The following PPM1H variants were observed in gnomAD, a reference collection of about 807,000 sequenced individuals.
PPM1H encodes the protein protein phosphatase, Mg2+/Mn2+ dependent 1H.
A neutral mutation model predicts 54.9 loss-of-function variants in PPM1H; 27 were observed. That is an observed-to-expected ratio of 0.49 (90% CI 0.36 to 0.68). The LOEUF (loss-of-function observed/expected upper bound fraction) is 0.68, where lower values mean the gene tolerates loss of function less well. Ranked by LOEUF, PPM1H falls within the 30% of genes least tolerant of loss-of-function variation. The pLI, the probability that PPM1H is intolerant of heterozygous loss-of-function variation, is 0.00. For synonymous variants in PPM1H, 305 were observed against 270.8 expected (o/e 1.13, Z -1.24); for missense variants, 596 against 667.8 (o/e 0.89, Z 1.19).
At chr12:62,854,014 CT>C (rs1869289835) in intron 1 of PPM1H, among the ~76,000 whole-genome samples, 1 of 152,064 alleles carries the variant, frequency 6.6e-6, no homozygotes, top group African/African-American at 2.4e-5. Context: ...AAAAAGTCTT[CT>C]GATAAAAAGC....
intron 1 of PPM1H, among the ~76,000 whole-genome samples, chr12:62,910,285 C>T (rs1281820661): frequency 6.6e-6 from 1 of 152,174 alleles, no homozygotes; most frequent in African/African-American, 2.4e-5. Flanking sequence ...TAAGTGAATA[C>T]ATTGGGATGC....
intron 6 of PPM1H, among the ~76,000 whole-genome samples, chr12:62,716,846 T>TA (rs541147778): frequency 2.6e-5 from 4 of 152,170 alleles, no homozygotes; most frequent in African/African-American, 4.8e-5. Context: ...CTTTAAGTCC[T>TA]AAAAAATAAC....
In PPM1H at chr12:62,796,682, G is replaced by C. The variant is rs2076736197; in HGVS notation, c.756+5134C>G. On this transcript the variant is annotated intron_variant, in intron 3 of 9. Coordinates refer to ENST00000228705, the MANE Select transcript of PPM1H (RefSeq NM_020700.2). Reference sequence around the variant, plus strand: ...TGGAGACCTCATTACATAGGCACGAGTGTTTAAATCATCAGCTGTTGGTGA... The same window carrying C: ...TGGAGACCTCATTACATAGGCACGACTGTTTAAATCATCAGCTGTTGGTGA... Among the ~76,000 whole-genome samples the C allele has an allele frequency of 2.0e-5, 3 of 152,148 alleles. No homozygotes were observed. The South Asian group carries it at 6.2e-4, about 31-fold the overall frequency.
intron 5 of PPM1H, among the ~76,000 whole-genome samples, chr12:62,725,224 C>T (rs1038761884): frequency 1.3e-5 from 2 of 152,202 alleles, no homozygotes; most frequent in Admixed American, 6.5e-5. Context: ...GGATGTTCTT[C>T]CAAGCTGCTG....
At chr12:62,810,651 TG>T (rs2076829826) in intron 2 of PPM1H, among the ~76,000 whole-genome samples, 3 of 152,248 alleles carry the variant, frequency 2.0e-5, no homozygotes, top group Admixed American at 2.0e-4. Flanking sequence ...TTTTAAATGC[TG>T]GATATTTACT....
In PPM1H at chr12:62,934,817, G is replaced by C; in HGVS notation, c.-81C>G. 1.6e-6 allele frequency: 2 copies of C among 1,251,832 alleles called. No homozygotes were observed. Among genetic ancestry groups the C allele is most frequent in the Non-Finnish European group, 2.0e-6 (2 of 991,158 alleles). 77.5% of individuals were successfully genotyped at this position (1,251,832 alleles called of 1,614,324 possible). A position where few individuals can be genotyped will look rare whatever the true frequency, so the allele number is the denominator to read the frequency against. ...AGGCGCAGCGCGGGGCATGCAGGCT[G>C]CGGTGGGCGCCGGGCGCACGGCGAG... is the stretch of plus-strand genomic sequence containing the variant. On this transcript the variant is annotated 5_prime_UTR_variant, in exon 1 of 10. Coordinates refer to ENST00000228705, the MANE Select transcript of PPM1H (RefSeq NM_020700.2). This position sits in a 1 kb window ranked among gnomAD's most constrained non-coding sequence, Gnocchi z 4.2.
intron 6 of PPM1H, among the ~76,000 whole-genome samples, chr12:62,711,365 G>T (rs1189298377): frequency 6.6e-6 from 1 of 152,170 alleles, no homozygotes; most frequent in Non-Finnish European, 1.5e-5. Context: ...TCTGTGGTGG[G>T]GATTGGCCCA....
intron 1 of PPM1H, among the ~76,000 whole-genome samples, chr12:62,903,835 G>C (rs1002554966): frequency 3.9e-5 from 6 of 152,226 alleles, no homozygotes; most frequent in Middle Eastern, 6.8e-3. Context: ...TGTAAGGGAG[G>C]CTTCAGTTTC....
chr12:62,737,734 T>C, intron 4 of PPM1H, 148 bp from the exon 5 acceptor site: 1 of 545,546 alleles, frequency 1.8e-6, no homozygotes, highest in Non-Finnish European at 3.2e-6. Flanking sequence ...TTCCCAGCTC[T>C]GAATCCCTCA....
intron 1 of PPM1H, among the ~76,000 whole-genome samples, chr12:62,896,903 T>C (rs1355070036): frequency 1.3e-5 from 2 of 152,078 alleles, no homozygotes; most frequent in African/African-American, 2.4e-5. Context: ...ACATACACTA[T>C]GGAATACTAT....
rs143364615 is a variant in PPM1H, at chr12:62,737,260, T to C, written c.954+242A>G. ...AAAAAAACAAAACCAGAGCACACCATGTCTTCAATTGGTCACAGATGGGAG... is the reference window on the plus strand; with the variant it reads ...AAAAAAACAAAACCAGAGCACACCACGTCTTCAATTGGTCACAGATGGGAG... On this transcript the variant is annotated intron_variant, in intron 5 of 9. Transcript: ENST00000228705. Among the ~76,000 whole-genome samples the C allele has an allele frequency of 6.7e-5, 10 of 148,478 alleles. No individual in the cohort carries two copies. In the East Asian group the frequency reaches 1.8e-3, roughly 26 times the overall value.
chr12:62,855,586 G>T (rs1212441875), intron 1 of PPM1H, among the ~76,000 whole-genome samples: 1 of 152,090 alleles, frequency 6.6e-6, no homozygotes. Context: ...TTACATTTGG[G>T]GCTGATTCCT....
At chr12:62,726,867 A>C (rs2120486646) in intron 5 of PPM1H, among the ~76,000 whole-genome samples, 1 of 152,250 alleles carries the variant, frequency 6.6e-6, no homozygotes, top group South Asian at 2.1e-4. Context: ...AATAAGCCCA[A>C]AGTCTGTAAA....
chr12:62,722,876 T>A lies in PPM1H; in HGVS notation c.955-2587A>T, dbSNP rs567835956. Among the ~76,000 whole-genome samples, 11 of 152,238 alleles carry A rather than the reference T, an allele frequency of 7.2e-5. No homozygotes were observed. The East Asian group carries it at 1.2e-3, about 16-fold the overall frequency. ...ATGTGTGTGTGCATGAACTTGTGAGTGCTGGGTCATATATGCACAGATCTT... is the reference window on the plus strand; with the variant it reads ...ATGTGTGTGTGCATGAACTTGTGAGAGCTGGGTCATATATGCACAGATCTT... On this transcript the variant is annotated intron_variant, in intron 5 of 9. Coordinates refer to ENST00000228705, the MANE Select transcript of PPM1H (RefSeq NM_020700.2).
At chr12:62,825,588 A>G (rs1315389164) in intron 2 of PPM1H, among the ~76,000 whole-genome samples, 1 of 152,338 alleles carries the variant, frequency 6.6e-6, no homozygotes, top group South Asian at 2.1e-4. Flanking sequence ...TTGCAGGGAC[A>G]TGGATGAAAC....
In PPM1H at chr12:62,934,484, G is replaced by T; in HGVS notation, c.245+8C>A. ...GAGCAGGGGCGCCGCCGGTGTCGCT[G>T]CACTCACTCTGCGTAGCCAGTGGCC... On this transcript the variant is annotated splice_region_variant and intron_variant, in intron 1 of 9. Coordinates refer to ENST00000228705, the MANE Select transcript of PPM1H (RefSeq NM_020700.2). The surrounding 1 kb of genome is among the most constrained non-coding windows in gnomAD (Gnocchi z 4.2). The T allele has an allele frequency of 1.3e-6, 2 of 1,538,850 alleles. No homozygotes were observed. The highest frequency in any genetic ancestry group is 1.7e-6 in the Non-Finnish European group (2 of 1,143,464).
At chr12:62,660,214 T>A (rs2075875769) in intron 9 of PPM1H, among the ~76,000 whole-genome samples, 1 of 152,236 alleles carries the variant, frequency 6.6e-6, no homozygotes, top group African/African-American at 2.4e-5. Flanking sequence ...TAAACTGGTG[T>A]GTGAGTGTGG....
chr12:62,752,880 G>A (rs538855146), intron 4 of PPM1H, among the ~76,000 whole-genome samples: 59 of 152,284 alleles, frequency 3.9e-4, no homozygotes, highest in Middle Eastern at 3.4e-3. Flanking sequence ...GACAACGAAG[G>A]ACGATGATGC....
chr12:62,755,043 G>A (rs142978079), intron 4 of PPM1H, among the ~76,000 whole-genome samples: 392 of 152,290 alleles, frequency 2.6e-3, no homozygotes, highest in Non-Finnish European at 4.1e-3. Flanking sequence ...AACAGGCCAA[G>A]GAGCGACCTG....
Sources: gnomAD v4.1 joint callset for allele counts (sites outside exome capture counted in the v4.1 genomes callset) on GRCh38, gnomAD v4.1.1 for gene constraint, Gnocchi (gnomAD v3.1) non-coding constraint, MANE v1.5 for transcripts, NCBI Gene and HGNC (gene_info 2026-07-23, HGNC 2026-07-21) for gene names.